The following SNX7 variants were observed in gnomAD, a reference collection of about 807,000 sequenced individuals.
SNX7 encodes sorting nexin 7.
In SNX7, 35 loss-of-function variants were observed where a neutral mutation model predicts 48.4. The ratio of observed to expected loss-of-function variants is 0.72; its 90% CI spans 0.55 to 0.96. SNX7 has a LOEUF of 0.96. Among genes scored for constraint, SNX7 ranks in the 40% least tolerant of loss-of-function variants. SNX7 has a pLI of 0.00. For synonymous variants in SNX7, 190 were observed against 190.2 expected (o/e 1.00, Z 0.01); for missense variants, 553 against 548.9 (o/e 1.01, Z -0.07).
chr1:98,718,539 A>C lies in SNX7; in HGVS notation c.1125+16636A>C, dbSNP rs186964734. On this transcript the variant is annotated intron_variant, in intron 7 of 8. Coordinates refer to ENST00000306121, the MANE Select transcript of SNX7 (RefSeq NM_015976.5). ...ATATATAGTCTTCAGCTCTAACATAACTAATTAGTGCATTGCTTATAAAAA... is the reference window on the plus strand; with the variant it reads ...ATATATAGTCTTCAGCTCTAACATACCTAATTAGTGCATTGCTTATAAAAA... Among the ~76,000 whole-genome samples, 87 of 152,226 alleles carry C rather than the reference A, an allele frequency of 5.7e-4. No homozygotes were observed. The East Asian group carries it at 0.013, about 22-fold the overall frequency.
At chr1:98,710,464 C>T (rs1652243025) in intron 7 of SNX7, among the ~76,000 whole-genome samples, 1 of 151,934 alleles carries the variant, frequency 6.6e-6, no homozygotes, top group South Asian at 2.1e-4. Context: ...GCCTTAACTG[C>T]AACCGAAAAA....
At chr1:98,682,699 A>C (rs1052174345) in intron 1 of SNX7, among the ~76,000 whole-genome samples, 2 of 152,162 alleles carry the variant, frequency 1.3e-5, no homozygotes, top group African/African-American at 4.8e-5. Context: ...TTAAATCTTT[A>C]GGGAATTTAA....
At chr1:98,723,083 A>T in intron 7 of SNX7, among the ~76,000 whole-genome samples, 1 of 152,202 alleles carries the variant, frequency 6.6e-6, no homozygotes, top group East Asian at 1.9e-4. Flanking sequence ...ACAGAAAAGT[A>T]CAAGACAAAT....
intron 1 of SNX7, among the ~76,000 whole-genome samples, chr1:98,664,970 G>A (rs905320589): frequency 2.0e-4 from 30 of 152,226 alleles, no homozygotes; most frequent in Non-Finnish European, 3.7e-4. Flanking sequence ...AAATTTAACT[G>A]GAGAAAAAGG....
At chr1:98,670,686 A>G (rs539980243) in intron 1 of SNX7, among the ~76,000 whole-genome samples, 8 of 152,246 alleles carry the variant, frequency 5.3e-5, no homozygotes, top group African/African-American at 1.9e-4. Context: ...TGTGTAAGTG[A>G]ACTCTATGAT....
At chr1:98,667,108 T>C (rs562817084) in intron 1 of SNX7, among the ~76,000 whole-genome samples, 1 of 152,314 alleles carries the variant, frequency 6.6e-6, no homozygotes, top group African/African-American at 2.4e-5. Flanking sequence ...CATAAACCAG[T>C]GAGCATAATA....
At chr1:98,739,623 A>T (rs1159800468) in intron 8 of SNX7, among the ~76,000 whole-genome samples, 1 of 152,170 alleles carries the variant, frequency 6.6e-6, no homozygotes, top group Non-Finnish European at 1.5e-5. Flanking sequence ...GGGTCATATA[A>T]CCTAATCTAG....
intron 1 of SNX7, among the ~76,000 whole-genome samples, chr1:98,681,203 G>C (rs1650469610): frequency 6.6e-6 from 1 of 152,166 alleles, no homozygotes; most frequent in Admixed American, 6.5e-5. Context: ...CAGATCTCAT[G>C]AGACTTATTC....
At position 98,663,252 on chromosome 1, in the gene SNX7, GGTTTTTTTTTTTTTTTTTTTTTTT is replaced by G. The variant is rs1442210615; in HGVS notation, c.180+1342_180+1365del. ...ATCAGAATCATCAGGGTTTCTTTCT[GGTTTTTTTTTTTTTTTTTTTTTTT>G]TTTTTTTTTTTTTTTTGTCGGGGCT... On this transcript the variant is annotated intron_variant, in intron 1 of 8. Coordinates refer to ENST00000306121, the MANE Select transcript of SNX7 (RefSeq NM_015976.5). 3.5e-4 allele frequency among the ~76,000 whole-genome samples: 29 copies of G among 83,158 alleles called. 1 individual carries two copies. The highest frequency in any genetic ancestry group is 6.6e-4 in the African/African-American group (12 of 18,292). 54.6% of individuals were successfully genotyped at this position (83,158 alleles called of 152,430 possible).
In SNX7 at chr1:98,691,058, T is replaced by G; in HGVS notation, c.364-17T>G. 1 of 1,549,066 alleles carries G rather than the reference T, an allele frequency of 6.5e-7. No individual in the cohort carries two copies. The highest frequency in any genetic ancestry group is 8.9e-7 in the Non-Finnish European group (1 of 1,127,178). ...TCTTATATTGCATGTGCTGTTATTT[T>G]CTCTTACTTTCTTCAGACATCTCGT... is the stretch of plus-strand genomic sequence containing the variant. On this transcript the variant is annotated splice_polypyrimidine_tract_variant and intron_variant, in intron 2 of 8. Transcript: ENST00000306121.
At chr1:98,758,306 C>A (rs1654949998) in intron 8 of SNX7, among the ~76,000 whole-genome samples, 1 of 152,006 alleles carries the variant, frequency 6.6e-6, no homozygotes, top group South Asian at 2.1e-4. Flanking sequence ...TATCTAAATT[C>A]TTCTCCTGTA....
chr1:98,721,461 G>C (rs1345934515), intron 7 of SNX7, among the ~76,000 whole-genome samples: 1 of 152,074 alleles, frequency 6.6e-6, no homozygotes, highest in Non-Finnish European at 1.5e-5. Context: ...CAATTTTGGA[G>C]TTTTGTAGTA....
At chr1:98,692,230 A>AT (rs991275928) in intron 4 of SNX7, among the ~76,000 whole-genome samples, 2 of 152,058 alleles carry the variant, frequency 1.3e-5, no homozygotes, top group Admixed American at 6.6e-5. Context: ...TATATACTGT[A>AT]TTTTTTGCAA....
intron 8 of SNX7, among the ~76,000 whole-genome samples, chr1:98,746,504 G>A (rs746036160): frequency 2.0e-5 from 3 of 152,036 alleles, no homozygotes; most frequent in Non-Finnish European, 4.4e-5. Flanking sequence ...TACTGAATTT[G>A]TTTGCTCACA....
intron 7 of SNX7, among the ~76,000 whole-genome samples, chr1:98,734,814 T>G (rs1471922344): frequency 3.3e-5 from 5 of 152,150 alleles, no homozygotes; most frequent in Non-Finnish European, 7.4e-5. Flanking sequence ...TATCTTACAG[T>G]CTTTTATTAT....
chr1:98,726,727 A>C (rs1264148711), intron 7 of SNX7, among the ~76,000 whole-genome samples: 1 of 152,114 alleles, frequency 6.6e-6, no homozygotes, highest in East Asian at 1.9e-4. Context: ...TTTATTTTAA[A>C]AAGAAAACTC....
intron 8 of SNX7, among the ~76,000 whole-genome samples, chr1:98,749,449 T>C (rs1654474411): frequency 6.6e-6 from 1 of 152,128 alleles, no homozygotes. Flanking sequence ...TTGAGAGATA[T>C]GTAAAAGTAA....
intron 1 of SNX7, among the ~76,000 whole-genome samples, chr1:98,680,603 C>T (rs1489199591): frequency 6.6e-6 from 1 of 152,172 alleles, no homozygotes; most frequent in East Asian, 1.9e-4. Flanking sequence ...CTCTTGAATG[C>T]TTTGCTGCTC....
At chr1:98,697,458 AT>A (rs1487788269) in intron 5 of SNX7, among the ~76,000 whole-genome samples, 1 of 152,094 alleles carries the variant, frequency 6.6e-6, no homozygotes, top group Non-Finnish European at 1.5e-5. Context: ...CTGCTTATAA[AT>A]TTTCCACCAC....
Sources: gnomAD v4.1 joint callset for allele counts (sites outside exome capture counted in the v4.1 genomes callset) on GRCh38, gnomAD v4.1.1 for gene constraint, MANE v1.5 for transcripts, NCBI Gene and HGNC (gene_info 2026-07-23, HGNC 2026-07-21) for gene names.